Variants in PACS2 observed in about 807,000 individuals in gnomAD.
PACS2 encodes the protein phosphofurin acidic cluster sorting protein 2.
In PACS2, 36 loss-of-function variants were observed where a neutral mutation model predicts 113.0. The ratio of observed to expected loss-of-function variants is 0.32; its 90% CI spans 0.24 to 0.42. PACS2 has a LOEUF of 0.42. PACS2 is among the 10% of genes least tolerant of loss of function. The pLI, the probability that PACS2 is intolerant of heterozygous loss-of-function variation, is 1.00. For synonymous variants in PACS2, 589 were observed against 536.1 expected (o/e 1.10, Z -1.36); for missense variants, 1,015 against 1,239.5 (o/e 0.82, Z 2.72).
chr14:105,314,905 G>A lies in PACS2; in HGVS notation c.-14G>A. On this transcript the variant is annotated 5_prime_UTR_variant, in exon 1 of 25. Transcript: ENST00000447393. The stretch of plus-strand genomic sequence containing the variant: ...GCAGCCCCAGGCCGCCGAGGGAGCG[G>A]CGGGGCCGGCGCCATGGCCGAGCGA... 1 of 992,232 alleles carries A rather than the reference G, an allele frequency of 1.0e-6. No individual in the cohort carries two copies. Among genetic ancestry groups the A allele is most frequent in the Non-Finnish European group, 1.2e-6 (1 of 836,346 alleles). 61.5% of individuals were successfully genotyped at this position (992,232 alleles called of 1,614,324 possible).
rs782318213 is a variant in PACS2 at position 105,355,196 on chromosome 14, G to A, written c.423+19G>A. The A allele has an allele frequency of 1.2e-5, 19 of 1,608,878 alleles. No homozygotes were observed. In the East Asian group the frequency reaches 2.0e-4, roughly 17 times the overall value. ...GGCTGAGGTGAGTGCTCCGTCTGGC[G>A]TGGCCTGCGTCGGGCTGGCCACCTG... On this transcript the variant is annotated intron_variant, in intron 4 of 24. Coordinates refer to ENST00000447393, the MANE Select transcript of PACS2 (RefSeq NM_001100913.3). This position sits in a 1 kb window ranked among gnomAD's most constrained non-coding sequence, Gnocchi z 4.1.
intron 4 of PACS2, among the ~76,000 whole-genome samples, chr14:105,362,154 C>T (rs782570051): frequency 6.6e-6 from 1 of 151,366 alleles, no homozygotes; most frequent in Non-Finnish European, 1.5e-5. Context: ...TGTGGTGGCT[C>T]ACGCCTGTCA....
chr14:105,386,891 G>T (rs587637236), intron 19 of PACS2, among the ~76,000 whole-genome samples: 1 of 152,260 alleles, frequency 6.6e-6, no homozygotes, highest in South Asian at 2.1e-4. Flanking sequence ...CTCCGCCCTT[G>T]CCCCCTGGCT....
chr14:105,361,061 G>A (rs1287312055), intron 4 of PACS2, among the ~76,000 whole-genome samples: 1 of 152,214 alleles, frequency 6.6e-6, no homozygotes, highest in African/African-American at 2.4e-5. Context: ...CACCACATGT[G>A]CACTTCCTTC....
intron 1 of PACS2, among the ~76,000 whole-genome samples, chr14:105,339,177 T>G (rs1282350019): frequency 3.3e-5 from 5 of 152,168 alleles, no homozygotes; most frequent in African/African-American, 9.7e-5. Context: ...GGGGACGCTA[T>G]TCCACTGCCA....
chr14:105,335,829 G>A lies in PACS2; in HGVS notation c.120-12664G>A, dbSNP rs182709727. Among the ~76,000 whole-genome samples the A allele has an allele frequency of 2.4e-3, 361 of 152,344 alleles. 2 individuals carry two copies. Among genetic ancestry groups the A allele is most frequent in the African/African-American group, 8.3e-3 (345 of 41,580 alleles). On this transcript the variant is annotated intron_variant, in intron 1 of 24. Coordinates refer to ENST00000447393, the MANE Select transcript of PACS2 (RefSeq NM_001100913.3). ...CTGGCAAGAGCTGGCAGCCGCCCTCGGCCGCCCGGGCGAGCCTTGGGACGG... is the reference window on the plus strand; with the variant it reads ...CTGGCAAGAGCTGGCAGCCGCCCTCAGCCGCCCGGGCGAGCCTTGGGACGG...
intron 19 of PACS2, among the ~76,000 whole-genome samples, chr14:105,386,944 C>T (rs1288086280): frequency 3.9e-5 from 6 of 152,192 alleles, no homozygotes; most frequent in South Asian, 2.1e-4. Flanking sequence ...GCCCGGCCGC[C>T]GCAGGCCGTG....
At chr14:105,322,083 G>A (rs587632601) in intron 1 of PACS2, among the ~76,000 whole-genome samples, 45 of 151,550 alleles carry the variant, frequency 3.0e-4, no homozygotes, top group African/African-American at 9.9e-4. Context: ...GACTACAGGC[G>A]CCTGCCACCA....
intron 1 of PACS2, among the ~76,000 whole-genome samples, chr14:105,339,502 G>A (rs1239861241): frequency 7.5e-6 from 1 of 133,834 alleles, no homozygotes; most frequent in African/African-American, 3.2e-5. Flanking sequence ...GCAAAACTCT[G>A]TCTCTATAAA....
chr14:105,322,563 G>A (rs1450890224), intron 1 of PACS2, among the ~76,000 whole-genome samples: 5 of 152,228 alleles, frequency 3.3e-5, no homozygotes, highest in Non-Finnish European at 7.3e-5. Context: ...ACCACGCCCA[G>A]CCTACCCTGT....
chr14:105,391,766 G>C lies in PACS2; in HGVS notation c.2255G>C (p.Ser752Thr). The change falls in exon 22 of 25, where the codon AGC becomes ACC. Residue 752 changes from serine to threonine, a missense_variant and splice_region_variant. Coordinates refer to ENST00000447393, the MANE Select transcript of PACS2 (RefSeq NM_001100913.3). ...GTGAGCGGAGGCCTGTCCTCCCCCA[G>C]GTAAAGGTGCCTCACGGCTCAGCAC... ...PSVSGGLSSPSQGVGAELMGL... is the reference protein window; with the variant it reads ...PSVSGGLSSPTQGVGAELMGL... 6.3e-7 allele frequency: 1 copy of C among 1,591,444 alleles called. No homozygotes were observed. The highest frequency in any genetic ancestry group is 8.5e-7 in the Non-Finnish European group (1 of 1,170,380).
intron 5 of PACS2, among the ~76,000 whole-genome samples, 194 bp from the exon 6 acceptor site, chr14:105,367,880 T>G (rs1555408332): frequency 6.6e-6 from 1 of 152,124 alleles, no homozygotes; most frequent in East Asian, 1.9e-4. Flanking sequence ...AACCCCGACC[T>G]GGACCGTTGC....
Position 105,382,916 on chromosome 14 carries a change from G to A in PACS2, c.1625+3G>A. ...ATCGTCTCACGGATACAGAGATAGT[G>A]AGTTGGGCTCCACCCTGTACTCACC... On this transcript the variant is annotated splice_donor_region_variant and intron_variant, in intron 15 of 24. Transcript: ENST00000447393. The A allele has an allele frequency of 6.4e-7, 1 of 1,571,944 alleles. No individual in the cohort carries two copies. The highest frequency in any genetic ancestry group is 8.7e-7 in the Non-Finnish European group (1 of 1,149,480).
Position 105,379,844 on chromosome 14 carries a change from A to G in PACS2, c.1050+15A>G, listed in dbSNP as rs782361937. The G allele has an allele frequency of 6.2e-7, 1 of 1,608,526 alleles. No individual in the cohort carries two copies. Among genetic ancestry groups the G allele is most frequent in the Non-Finnish European group, 8.5e-7 (1 of 1,175,712 alleles). On this transcript the variant is annotated intron_variant, in intron 10 of 24. Transcript: ENST00000447393. ...CCCCAAGCCCGGTGAGTGGGGCCAC[A>G]CTGATCTCCCAGAGCAGACCGTGGT...
chr14:105,369,706 A>G (rs1312604142), intron 7 of PACS2, 135 bp from the exon 8 acceptor site: 5 of 689,988 alleles, frequency 7.2e-6, no homozygotes, highest in Non-Finnish European at 7.5e-6. Flanking sequence ...GAGCGAATCC[A>G]TCAGCGTGGC....
At chr14:105,383,052 G>A (rs889007609) in intron 15 of PACS2, 139 bp downstream of exon 15, 14 of 636,956 alleles carry the variant, frequency 2.2e-5, no homozygotes, top group African/African-American at 5.4e-5. Context: ...TGACCCATGC[G>A]CTCTTCGCAG....
Position 105,376,549 on chromosome 14 carries a change from T to C in PACS2, c.802-219T>C, listed in dbSNP as rs1419834443. Among the ~76,000 whole-genome samples, 3 of 151,420 alleles carry C rather than the reference T, an allele frequency of 2.0e-5. No individual in the cohort carries two copies. Among genetic ancestry groups the C allele is most frequent in the Non-Finnish European group, 4.4e-5 (3 of 67,832 alleles). On this transcript the variant is annotated intron_variant, in intron 8 of 24. Transcript: ENST00000447393. This position sits in a 1 kb window ranked among gnomAD's most constrained non-coding sequence, Gnocchi z 4.7. The stretch of plus-strand genomic sequence containing the variant: ...GATGACTGCACCAGCCCAGGGGAGG[T>C]GGAGGAATGCCACACGCACCGGTAC...
chr14:105,385,939 C>G (rs1437808025), intron 19 of PACS2, among the ~76,000 whole-genome samples: 1 of 152,240 alleles, frequency 6.6e-6, no homozygotes, highest in African/African-American at 2.4e-5. Context: ...TCCATCCGAT[C>G]TCTGACACTG....
rs2081343848 is a variant in PACS2, at chr14:105,391,187, C to T, written c.2077-20C>T. The T allele has an allele frequency of 1.9e-6, 3 of 1,607,102 alleles. No homozygotes were observed. Among genetic ancestry groups the T allele is most frequent in the Non-Finnish European group, 2.6e-6 (3 of 1,174,018 alleles). On this transcript the variant is annotated intron_variant, in intron 20 of 24. Transcript: ENST00000447393. ...GCTGAATTGCACGGCTTTCACCAGC[C>T]AGTGCCTGTTGTTTTCTAGGTTGTG... is the stretch of plus-strand genomic sequence containing the variant.
Sources: gnomAD v4.1 joint callset for allele counts (sites outside exome capture counted in the v4.1 genomes callset) on GRCh38, gnomAD v4.1.1 for gene constraint, Gnocchi (gnomAD v3.1) non-coding constraint, MANE v1.5 for transcripts, NCBI Gene and HGNC (gene_info 2026-07-23, HGNC 2026-07-21) for gene names.